Variants in GRIN2A observed in about 807,000 individuals in gnomAD.
The protein encoded by GRIN2A is glutamate receptor ionotropic, NMDA 2A.
A neutral mutation model predicts 113.4 loss-of-function variants in GRIN2A; 22 were observed. The observed-to-expected ratio is 0.19, with a 90% CI of 0.14 to 0.28. The LOEUF (loss-of-function observed/expected upper bound fraction) is 0.28, where lower values mean the gene tolerates loss of function less well. GRIN2A is among the 10% of genes least tolerant of loss of function. The pLI is 1.00. For missense variants in GRIN2A, 1,502 were observed against 1,887.0 expected (o/e 0.80, Z 3.78); for synonymous variants, 827 against 738.4 (o/e 1.12, Z -1.94).
At chr16:9,850,520 A>T (rs2042864605) in intron 4 of GRIN2A, among the ~76,000 whole-genome samples, 2 of 152,200 alleles carry the variant, frequency 1.3e-5, no homozygotes, top group Non-Finnish European at 2.9e-5. Flanking sequence ...GAAAGTGAAA[A>T]GGAGAAAGAA....
chr16:9,885,493 T>A (rs1460510512), intron 4 of GRIN2A, among the ~76,000 whole-genome samples: 1 of 152,218 alleles, frequency 6.6e-6, no homozygotes, highest in African/African-American at 2.4e-5. Flanking sequence ...GGCCTGGTGT[T>A]TGGCGTCTGT....
chr16:9,883,041 C>T (rs996144219), intron 4 of GRIN2A, among the ~76,000 whole-genome samples: 2 of 152,142 alleles, frequency 1.3e-5, no homozygotes, highest in Non-Finnish European at 1.5e-5. Context: ...CATCCTTCTT[C>T]CATCACACAC....
chr16:10,061,658 T>C (rs920123385), intron 2 of GRIN2A, among the ~76,000 whole-genome samples: 3 of 152,166 alleles, frequency 2.0e-5, no homozygotes, highest in African/African-American at 7.2e-5. Context: ...CATTATAAAC[T>C]CTAAGTGCCT....
intron 2 of GRIN2A, among the ~76,000 whole-genome samples, chr16:10,046,141 T>G (rs2047253498): frequency 6.6e-6 from 1 of 152,142 alleles, no homozygotes; most frequent in African/African-American, 2.4e-5. Flanking sequence ...GGTGAGCACG[T>G]GATCCAGTTC....
intron 3 of GRIN2A, among the ~76,000 whole-genome samples, chr16:9,909,906 G>A (rs1198539172): frequency 6.6e-6 from 1 of 152,114 alleles, no homozygotes; most frequent in Non-Finnish European, 1.5e-5. Flanking sequence ...ATACCACAGA[G>A]GGCTTACAGA....
At chr16:9,812,405 G>A (rs554946015) in intron 10 of GRIN2A, among the ~76,000 whole-genome samples, 13 of 152,136 alleles carry the variant, frequency 8.5e-5, no homozygotes, top group Admixed American at 1.3e-4. Context: ...TTGGGAGGCC[G>A]AGGTGGGAGG....
At chr16:10,001,731 T>G (rs1406577799) in intron 2 of GRIN2A, among the ~76,000 whole-genome samples, 1 of 152,150 alleles carries the variant, frequency 6.6e-6, no homozygotes, top group African/African-American at 2.4e-5. Context: ...TAAGCCTGAG[T>G]CACATGGCCT....
At chr16:9,994,539 G>A (rs2046186076) in intron 2 of GRIN2A, among the ~76,000 whole-genome samples, 1 of 152,174 alleles carries the variant, frequency 6.6e-6, no homozygotes, top group African/African-American at 2.4e-5. Flanking sequence ...CAATGAAGCA[G>A]GGAAACTGGA....
In GRIN2A at chr16:9,754,272, C is replaced by A. The variant is rs189921110; in HGVS notation, c.*8877G>T. On this transcript the variant is annotated 3_prime_UTR_variant, in exon 13 of 13. Coordinates refer to ENST00000330684, the MANE Select transcript of GRIN2A (RefSeq NM_001134407.3). ...AAATTTGTTTTGGCAGGGGAATGAA[C>A]AAGATTAAGATTCATAGTTAAAAAC... 1 of 199,468 alleles carries A rather than the reference C, an allele frequency of 5.0e-6. No individual in the cohort carries two copies. The highest frequency in any genetic ancestry group is 1.0e-5 in the Non-Finnish European group (1 of 96,740). The allele number at this position is 199,468 out of a possible 1,614,324, so 12.4% of individuals were successfully genotyped here.
chr16:9,772,291 C>T (rs1323301102), intron 11 of GRIN2A, among the ~76,000 whole-genome samples: 1 of 152,228 alleles, frequency 6.6e-6, no homozygotes, highest in Non-Finnish European at 1.5e-5. Context: ...TGCACGGCTG[C>T]TTCCTCTTCT....
rs534816107 is a variant in GRIN2A at position 9,759,931 on chromosome 16, A to G, written c.*3218T>C. On this transcript the variant is annotated 3_prime_UTR_variant, in exon 13 of 13. Coordinates refer to ENST00000330684, the MANE Select transcript of GRIN2A (RefSeq NM_001134407.3). ...TCTAGAAGACTCTCTTACCCAGAGT[A>G]TTTTAAATTGGTTGCATGTGCGTGC... is the stretch of plus-strand genomic sequence containing the variant. 1 of 231,084 alleles carries G rather than the reference A, an allele frequency of 4.3e-6. No individual in the cohort carries two copies. Among genetic ancestry groups the G allele is most frequent in the South Asian group, 1.8e-4 (1 of 5,510 alleles). 14.3% of individuals were successfully genotyped at this position (231,084 alleles called of 1,614,324 possible). A position where few individuals can be genotyped will look rare whatever the true frequency, so the allele number is the denominator to read the frequency against.
intron 2 of GRIN2A, among the ~76,000 whole-genome samples, chr16:9,994,108 G>A (rs1286316125): frequency 6.6e-6 from 1 of 152,122 alleles, no homozygotes; most frequent in Admixed American, 6.5e-5. Context: ...ACAAACGCTC[G>A]GAAGTAAAGG....
intron 3 of GRIN2A, among the ~76,000 whole-genome samples, chr16:9,903,552 GGCCACAAATCTTT>G (rs1190292063): frequency 2.0e-5 from 3 of 152,176 alleles, no homozygotes; most frequent in African/African-American, 7.2e-5. Flanking sequence ...CAATAAGCCA[GGCCACAAATCTTT>G]GTCCATATTA....
At chr16:10,019,419 C>G (rs1275784937) in intron 2 of GRIN2A, among the ~76,000 whole-genome samples, 2 of 152,290 alleles carry the variant, frequency 1.3e-5, no homozygotes, top group Middle Eastern at 3.4e-3. Context: ...AAGATATTGT[C>G]ACAAGGATAG....
Position 9,760,835 on chromosome 16 carries a change from C to T in GRIN2A, c.*2314G>A, listed in dbSNP as rs1333457208. 1.7e-5 allele frequency: 4 copies of T among 231,112 alleles called. No homozygotes were observed. Among genetic ancestry groups the T allele is most frequent in the Non-Finnish European group, 3.4e-5 (4 of 116,922 alleles). 14.3% of individuals were successfully genotyped at this position (231,112 alleles called of 1,614,324 possible). ...TCCCAGACTCATGAGGAAATGGAGGCGATCCTTGCTGGGGTGGATTAAGGT... is the reference window on the plus strand; with the variant it reads ...TCCCAGACTCATGAGGAAATGGAGGTGATCCTTGCTGGGGTGGATTAAGGT... On this transcript the variant is annotated 3_prime_UTR_variant, in exon 13 of 13. Transcript: ENST00000330684.
chr16:9,878,904 C>A (rs999009748), intron 4 of GRIN2A, among the ~76,000 whole-genome samples: 1 of 151,968 alleles, frequency 6.6e-6, no homozygotes, highest in African/African-American at 2.4e-5. Flanking sequence ...CACACACATG[C>A]TTTGGGAGAT....
chr16:10,009,050 G>A (rs893310454), intron 2 of GRIN2A, among the ~76,000 whole-genome samples: 2 of 152,158 alleles, frequency 1.3e-5, no homozygotes, highest in African/African-American at 2.4e-5. Context: ...TACGTTATAT[G>A]TCAAGTGCTG....
chr16:10,039,000 C>T (rs2047090280), intron 2 of GRIN2A, among the ~76,000 whole-genome samples: 1 of 152,158 alleles, frequency 6.6e-6, no homozygotes, highest in Non-Finnish European at 1.5e-5. Flanking sequence ...CCTCATCCCC[C>T]AAACAGCAGC....
At chr16:9,805,662 A>G (rs1175588255) in intron 10 of GRIN2A, 1 of 152,196 alleles carries the variant, frequency 6.6e-6, no homozygotes, top group African/African-American at 2.4e-5. Context: ...AATAAATAAT[A>G]ACTTATTACA....
Sources: allele counts gnomAD v4.1 joint callset (sites outside exome capture counted in the v4.1 genomes callset), GRCh38; gene constraint gnomAD v4.1.1; transcripts MANE v1.5; gene names NCBI Gene and HGNC (gene_info 2026-07-23, HGNC 2026-07-21).